The following NCKAP5 variants were observed in gnomAD, a reference collection of about 807,000 sequenced individuals.
NCKAP5 encodes NCK associated protein 5.
NCKAP5 carries 92 observed loss-of-function variants against 167.0 expected under a neutral mutation model. The observed-to-expected ratio is 0.55, with a 90% CI of 0.47 to 0.66. The LOEUF (loss-of-function observed/expected upper bound fraction) is 0.66, where lower values mean the gene tolerates loss of function less well. NCKAP5 is among the 30% of genes least tolerant of loss of function. NCKAP5 has a pLI of 0.00. For synonymous variants in NCKAP5, 891 were observed against 877.4 expected (o/e 1.02, Z -0.27); for missense variants, 2,378 against 2,315.0 (o/e 1.03, Z -0.56).
At chr2:133,333,477 C>T (rs560580676) in intron 3 of NCKAP5, among the ~76,000 whole-genome samples, 7 of 152,210 alleles carry the variant, frequency 4.6e-5, no homozygotes, top group South Asian at 2.1e-4. Context: ...ATGGCCTTGA[C>T]GAGCTCAACA....
intron 3 of NCKAP5, among the ~76,000 whole-genome samples, chr2:133,510,361 A>C (rs1683381022): frequency 6.6e-6 from 1 of 150,586 alleles, no homozygotes. Flanking sequence ...ATAAAAACAC[A>C]AAATTGTATA....
intron 5 of NCKAP5, among the ~76,000 whole-genome samples, chr2:133,172,445 A>G (rs1323550107): frequency 1.3e-5 from 2 of 152,176 alleles, no homozygotes; most frequent in Admixed American, 1.3e-4. Flanking sequence ...GCTACAACCC[A>G]TATCTTTTCT....
rs367947370 is a variant in NCKAP5 at position 133,323,276 on chromosome 2, A to G, written c.70-20166T>C. On this transcript the variant is annotated intron_variant, in intron 3 of 19. Coordinates refer to ENST00000409261, the MANE Select transcript of NCKAP5 (RefSeq NM_207363.3). ...CAATTAAATCAGGAAATGCATGCAA[A>G]AATTATTAACAGTGTCTGACATAGA... is the stretch of plus-strand genomic sequence containing the variant. Among the ~76,000 whole-genome samples, 18 of 152,198 alleles carry G rather than the reference A, an allele frequency of 1.2e-4. 1 individual carries two copies. The highest frequency in any genetic ancestry group is 4.3e-4 in the African/African-American group (18 of 41,516).
intron 5 of NCKAP5, among the ~76,000 whole-genome samples, chr2:133,180,962 A>G (rs1394050440): frequency 2.6e-5 from 4 of 152,100 alleles, no homozygotes; most frequent in Non-Finnish European, 2.9e-5. Context: ...TATATAAGAA[A>G]TAAAATAAAA....
intron 6 of NCKAP5, among the ~76,000 whole-genome samples, chr2:133,037,607 G>A (rs1457680600): frequency 6.6e-6 from 1 of 152,128 alleles, no homozygotes; most frequent in Non-Finnish European, 1.5e-5. Flanking sequence ...GCGGAAGAAT[G>A]AAACTAGATT....
chr2:133,055,842 T>A (rs1001120054), intron 6 of NCKAP5, among the ~76,000 whole-genome samples: 1 of 152,216 alleles, frequency 6.6e-6, no homozygotes, highest in Non-Finnish European at 1.5e-5. Context: ...TTTGGAGAGA[T>A]CTCTGAATTT....
chr2:133,134,827 A>C (rs985417951), intron 5 of NCKAP5, among the ~76,000 whole-genome samples: 1 of 152,236 alleles, frequency 6.6e-6, no homozygotes, highest in Non-Finnish European at 1.5e-5. Context: ...AAATCATTAA[A>C]GTATCAAAAG....
At chr2:132,855,983 T>A (rs1372721381) in intron 11 of NCKAP5, among the ~76,000 whole-genome samples, 2 of 152,094 alleles carry the variant, frequency 1.3e-5, no homozygotes, top group African/African-American at 4.8e-5. Context: ...GCTAACACAG[T>A]GAAACCCCAT....
rs777434228 is a variant in NCKAP5, at chr2:132,785,546, G to T, written c.1265C>A (p.Thr422Asn). 2 of 1,605,036 alleles carry T rather than the reference G, an allele frequency of 1.2e-6. No homozygotes were observed. The highest frequency in any genetic ancestry group is 2.2e-5 in the South Asian group (2 of 89,500). Reference protein sequence around the residue: ...KVLLEPPSVITKWGYKDCMNS... With the variant: ...KVLLEPPSVINKWGYKDCMNS... ...CATGCAATCTTTATAACCCCATTTG[G>T]TTATCACTGATGGGGGTTCAAGTAA... Residue 422 changes from threonine to asparagine, a missense_variant, in exon 14 of 20, where the codon ACC becomes AAC. This residue lies in a region of NCKAP5 where 1,049 missense variants were observed against 1,023.4 expected (regional missense o/e 1.02). Transcript: ENST00000409261.
intron 12 of NCKAP5, among the ~76,000 whole-genome samples, chr2:132,794,572 G>T (rs1257306638): frequency 6.6e-6 from 1 of 151,334 alleles, no homozygotes; most frequent in Non-Finnish European, 1.5e-5. Context: ...GGAGGTGGAG[G>T]TTGCAGTGAG....
At chr2:132,984,809 A>C (rs899804078) in intron 7 of NCKAP5, among the ~76,000 whole-genome samples, 4 of 151,636 alleles carry the variant, frequency 2.6e-5, no homozygotes, top group Non-Finnish European at 4.4e-5. Flanking sequence ...AAGTGAATAA[A>C]AGTAAGGTCA....
chr2:133,124,658 A>T (rs1008833104), intron 6 of NCKAP5, among the ~76,000 whole-genome samples: 3 of 152,120 alleles, frequency 2.0e-5, no homozygotes, highest in African/African-American at 7.3e-5. Flanking sequence ...ATATGTACGT[A>T]AGACTTCTCT....
chr2:133,237,234 G>A (rs897953053), intron 4 of NCKAP5, among the ~76,000 whole-genome samples: 1 of 152,094 alleles, frequency 6.6e-6, no homozygotes, highest in Non-Finnish European at 1.5e-5. Flanking sequence ...CCTAAGCAGA[G>A]ATAGATTTTT....
At chr2:133,272,922 A>T (rs1378708520) in intron 4 of NCKAP5, among the ~76,000 whole-genome samples, 1 of 152,202 alleles carries the variant, frequency 6.6e-6, no homozygotes, top group Non-Finnish European at 1.5e-5. Flanking sequence ...CACTGTCTTC[A>T]TGCACCACAT....
At chr2:133,384,206 T>C (rs1686751290) in intron 3 of NCKAP5, among the ~76,000 whole-genome samples, 1 of 152,244 alleles carries the variant, frequency 6.6e-6, no homozygotes, top group African/African-American at 2.4e-5. Flanking sequence ...CATGTAAGTC[T>C]TTAATCCATC....
chr2:133,300,308 G>T (rs1322845916), intron 4 of NCKAP5, among the ~76,000 whole-genome samples: 1 of 132,378 alleles, frequency 7.6e-6, no homozygotes, highest in East Asian at 2.1e-4. Flanking sequence ...TACCAAAGCC[G>T]GGCAGAGACA....
At chr2:132,977,660 T>C (rs1309453204) in intron 7 of NCKAP5, among the ~76,000 whole-genome samples, 1 of 152,196 alleles carries the variant, frequency 6.6e-6, no homozygotes, top group Non-Finnish European at 1.5e-5. Context: ...ATAAATTACA[T>C]AGTTAATTCT....
At chr2:133,388,092 G>C (rs1687126694) in intron 3 of NCKAP5, among the ~76,000 whole-genome samples, 1 of 152,334 alleles carries the variant, frequency 6.6e-6, no homozygotes, top group Admixed American at 6.5e-5. Flanking sequence ...GTGAGGAGCT[G>C]TGTTCCTTTG....
intron 11 of NCKAP5, among the ~76,000 whole-genome samples, chr2:132,835,886 G>C (rs1687856214): frequency 1.3e-5 from 2 of 152,140 alleles, no homozygotes; most frequent in African/African-American, 4.8e-5. Context: ...GCTTCTCCCT[G>C]ATACTTGGCT....
Sources: allele counts gnomAD v4.1 joint callset (sites outside exome capture counted in the v4.1 genomes callset), GRCh38; gene constraint gnomAD v4.1.1; regional missense constraint gnomAD v4.1.1; transcripts MANE v1.5; gene names NCBI Gene and HGNC (gene_info 2026-07-23, HGNC 2026-07-21).